Variants in GTF2F2 observed in about 807,000 individuals in gnomAD.
GTF2F2 encodes general transcription factor IIF subunit 2.
GTF2F2 carries 23 observed loss-of-function variants against 42.2 expected under a neutral mutation model. That is an observed-to-expected ratio of 0.55 (90% CI 0.39 to 0.77). The LOEUF is 0.77. GTF2F2 is among the 30% of genes least tolerant of loss of function. The pLI, the probability that GTF2F2 is intolerant of heterozygous loss-of-function variation, is 0.00. For missense variants in GTF2F2, 261 were observed against 287.2 expected (o/e 0.91, Z 0.66); for synonymous variants, 105 against 100.8 (o/e 1.04, Z -0.25).
chr13:45,177,958 A>T (rs1428528350), intron 4 of GTF2F2, among the ~76,000 whole-genome samples: 1 of 152,066 alleles, frequency 6.6e-6, no homozygotes, highest in Admixed American at 6.6e-5. Flanking sequence ...TCCTGTGAGT[A>T]TATACAAATT....
At chr13:45,148,432 C>T (rs796631014) in intron 2 of GTF2F2, among the ~76,000 whole-genome samples, 37 of 152,254 alleles carry the variant, frequency 2.4e-4, no homozygotes, top group African/African-American at 8.7e-4. Context: ...CAAGTCTGAT[C>T]ACTCATTTGT....
intron 4 of GTF2F2, among the ~76,000 whole-genome samples, chr13:45,197,885 G>A (rs116034370): frequency 3.2e-3 from 494 of 152,304 alleles, no homozygotes; most frequent in African/African-American, 0.012. Context: ...AATGGTTTCA[G>A]CAGAAGGGTT....
chr13:45,280,607 T>C (rs1221136206), intron 7 of GTF2F2, among the ~76,000 whole-genome samples: 1 of 152,232 alleles, frequency 6.6e-6, no homozygotes, highest in African/African-American at 2.4e-5. Flanking sequence ...TCTCATTCCA[T>C]TCTTATTGTT....
chr13:45,191,726 A>G (rs1872665397), intron 4 of GTF2F2, among the ~76,000 whole-genome samples: 1 of 152,168 alleles, frequency 6.6e-6, no homozygotes, highest in Non-Finnish European at 1.5e-5. Flanking sequence ...CTAGATTACT[A>G]AATTGTTTTA....
intron 5 of GTF2F2, among the ~76,000 whole-genome samples, chr13:45,242,604 T>C (rs1273540008): frequency 6.6e-6 from 1 of 152,176 alleles, no homozygotes; most frequent in East Asian, 1.9e-4. Flanking sequence ...TTTGTAGTTG[T>C]TTAATTCCAT....
At position 45,211,586 on chromosome 13, in the gene GTF2F2, ATT is replaced by A. The variant is rs67901676; in HGVS notation, c.386+4096_386+4097del. Among the ~76,000 whole-genome samples the A allele has an allele frequency of 6.7e-3, 581 of 86,696 alleles. 4 individuals are homozygous for A. Among genetic ancestry groups the A allele is most frequent in the African/African-American group, 0.026 (557 of 21,682 alleles). 56.9% of individuals were successfully genotyped at this position (86,696 alleles called of 152,430 possible). A position where few individuals can be genotyped will look rare whatever the true frequency, so the allele number is the denominator to read the frequency against. On this transcript the variant is annotated intron_variant, in intron 5 of 7. Transcript: ENST00000340473. ...ACCTGGCCAAGCTCAAAAAAAAAAAATTTTTTTTTTTTTTTTGAGAGACGGAG... is the reference window on the plus strand; with the variant it reads ...ACCTGGCCAAGCTCAAAAAAAAAAAATTTTTTTTTTTTTTGAGAGACGGAG...
chr13:45,151,626 TTA>T (rs994328823), intron 3 of GTF2F2, 59 bp from the exon 4 acceptor site: 56 of 1,057,114 alleles, frequency 5.3e-5, no homozygotes, highest in African/African-American at 1.2e-4. Flanking sequence ...TAACAAAAAT[TTA>T]TATATATATA....
intron 1 of GTF2F2, among the ~76,000 whole-genome samples, chr13:45,129,133 T>C (rs1869204474): frequency 6.6e-6 from 1 of 152,208 alleles, no homozygotes; most frequent in African/African-American, 2.4e-5. Context: ...GTGTTCTCTT[T>C]AAGAGCATTT....
intron 1 of GTF2F2, among the ~76,000 whole-genome samples, chr13:45,133,901 A>G (rs1009690161): frequency 1.3e-5 from 2 of 152,168 alleles, no homozygotes; most frequent in East Asian, 1.9e-4. Flanking sequence ...TGCACTCATT[A>G]AAGATATCCT....
intron 1 of GTF2F2, among the ~76,000 whole-genome samples, chr13:45,135,744 T>TTGG (rs1210852141): frequency 6.6e-6 from 1 of 152,198 alleles, no homozygotes; most frequent in East Asian, 1.9e-4. Flanking sequence ...CTTCTCAGCT[T>TTGG]TGGCAGCTAG....
chr13:45,164,847 A>G (rs1871198007), intron 4 of GTF2F2, among the ~76,000 whole-genome samples: 1 of 144,400 alleles, frequency 6.9e-6, no homozygotes, highest in African/African-American at 2.6e-5. Context: ...AAGGGTTACC[A>G]AAAAATGGAT....
chr13:45,122,057 A>T (rs1170698586), intron 1 of GTF2F2, among the ~76,000 whole-genome samples: 1 of 152,204 alleles, frequency 6.6e-6, no homozygotes, highest in South Asian at 2.1e-4. Flanking sequence ...TGGGGAATGG[A>T]ACAGAAATGC....
chr13:45,153,318 G>C (rs559091035), intron 4 of GTF2F2, among the ~76,000 whole-genome samples: 191 of 152,000 alleles, frequency 1.3e-3, no homozygotes, highest in African/African-American at 4.5e-3. Flanking sequence ...GGGCCCGGCC[G>C]AATTTTTTTT....
intron 4 of GTF2F2, among the ~76,000 whole-genome samples, chr13:45,179,309 G>C (rs1020484243): frequency 1.2e-4 from 18 of 152,096 alleles, no homozygotes; most frequent in African/African-American, 4.3e-4. Flanking sequence ...TCTTTGATGG[G>C]GTATCCAGGG....
intron 4 of GTF2F2, among the ~76,000 whole-genome samples, chr13:45,186,889 A>G (rs923065444): frequency 1.3e-5 from 2 of 152,242 alleles, no homozygotes; most frequent in Admixed American, 6.5e-5. Context: ...CTAAAGGACA[A>G]TAATCAAAAT....
At chr13:45,200,376 G>A (rs995011902) in intron 4 of GTF2F2, among the ~76,000 whole-genome samples, 9 of 152,026 alleles carry the variant, frequency 5.9e-5, no homozygotes, top group Non-Finnish European at 1.5e-5. Flanking sequence ...AGGCTGGAGT[G>A]TATTGCAACC....
intron 7 of GTF2F2, among the ~76,000 whole-genome samples, chr13:45,267,757 T>A (rs936497856): frequency 1.3e-5 from 2 of 151,932 alleles, no homozygotes; most frequent in Non-Finnish European, 2.9e-5. Flanking sequence ...AGAATTATAC[T>A]GTTTTGTCAT....
intron 2 of GTF2F2, among the ~76,000 whole-genome samples, chr13:45,145,848 T>C (rs972834799): frequency 2.6e-5 from 4 of 152,194 alleles, no homozygotes; most frequent in Middle Eastern, 3.2e-3. Flanking sequence ...CTCCTCACCC[T>C]GTTCAGGCTT....
At chr13:45,267,172 C>A in intron 6 of GTF2F2, 61 bp from the exon 7 acceptor site, 1 of 1,362,722 alleles carries the variant, frequency 7.3e-7, no homozygotes, top group Non-Finnish European at 1.0e-6. Flanking sequence ...AAGAGAATGC[C>A]TGTGTTTTAG....
Sources: allele counts gnomAD v4.1 joint callset (sites outside exome capture counted in the v4.1 genomes callset), GRCh38; gene constraint gnomAD v4.1.1; transcripts MANE v1.5; gene names NCBI Gene and HGNC (gene_info 2026-07-23, HGNC 2026-07-21).